Variants in CDC20B observed in about 807,000 individuals in gnomAD.
CDC20B encodes the protein cell division cycle protein 20 homolog B.
Under a neutral mutation model 64.1 loss-of-function variants are expected in CDC20B, and 58 were observed. The ratio of observed to expected loss-of-function variants is 0.90; its 90% CI spans 0.73 to 1.13. CDC20B has a LOEUF of 1.13. CDC20B is among the 50% of genes most tolerant of loss of function. The pLI is 0.00. For missense variants in CDC20B, 597 were observed against 633.0 expected, an observed-to-expected ratio of 0.94 and a Z score of 0.61; for synonymous variants, 243 against 230.6, an observed-to-expected ratio of 1.05 and a Z score of -0.49.
intron 5 of CDC20B, among the ~76,000 whole-genome samples, chr5:55,137,836 G>T (rs191958337): frequency 5.8e-4 from 89 of 152,278 alleles, no homozygotes; most frequent in African/African-American, 2.0e-3. Context: ...GTGGATAAAG[G>T]ATTAATAACT....
chr5:55,127,320 C>A lies in CDC20B; in HGVS notation c.926G>T (p.Arg309Ile). Residue 309 changes from arginine to isoleucine, a missense_variant, in exon 8 of 12, where the codon AGA becomes ATA. By Grantham distance (97) the Arg-to-Ile change is moderately conservative. Coordinates refer to ENST00000381375, the MANE Select transcript of CDC20B (RefSeq NM_001170402.1). ...LWDVVTKKRL[R>I]NMLGHLSVVG... Reference sequence around the variant, plus strand: ...TACTGACAAATGACCAAGCATATTTCTCAGCCGCTTTTTAGTTACCACATC... The same window carrying A: ...TACTGACAAATGACCAAGCATATTTATCAGCCGCTTTTTAGTTACCACATC... 1 of 1,614,126 alleles carries A rather than the reference C, an allele frequency of 6.2e-7. No homozygotes were observed. The highest frequency in any genetic ancestry group is 1.3e-5 in the African/African-American group (1 of 75,054).
chr5:55,160,236 G>T (rs370409177), intron 2 of CDC20B: 3 of 1,614,020 alleles, frequency 1.9e-6, no homozygotes, highest in African/African-American at 1.3e-5. Flanking sequence ...TCCGGGCCCA[G>T]AGCAAAGGTA....
chr5:55,135,063 T>C (rs1192929472), intron 5 of CDC20B, among the ~76,000 whole-genome samples: 1 of 152,220 alleles, frequency 6.6e-6, no homozygotes, highest in East Asian at 1.9e-4. Context: ...GATGTGTCAG[T>C]GTAGGTTCAT....
At chr5:55,155,962 C>G (rs895576109) in intron 2 of CDC20B, among the ~76,000 whole-genome samples, 5 of 152,174 alleles carry the variant, frequency 3.3e-5, no homozygotes, top group Non-Finnish European at 7.3e-5. Flanking sequence ...CGAATGAAAC[C>G]CCTTGTATTA....
intron 2 of CDC20B, among the ~76,000 whole-genome samples, chr5:55,150,442 G>C (rs532651524): frequency 4.3e-4 from 65 of 152,332 alleles, no homozygotes; most frequent in African/African-American, 1.5e-3. Flanking sequence ...CAGCCCCCAG[G>C]GGGCGAGGCC....
chr5:55,132,638 C>T (rs1319831862), intron 6 of CDC20B, among the ~76,000 whole-genome samples: 1 of 152,128 alleles, frequency 6.6e-6, no homozygotes, highest in Non-Finnish European at 1.5e-5. Flanking sequence ...CAGCTCTTTC[C>T]TACTAAGTGC....
intron 9 of CDC20B, 42 bp downstream of exon 9, chr5:55,124,761 C>A: frequency 6.5e-7 from 1 of 1,534,286 alleles, no homozygotes; most frequent in South Asian, 1.1e-5. Context: ...ACCCAGTGGC[C>A]TCTGAGTAAC....
At chr5:55,158,025 G>A (rs1743863050) in intron 2 of CDC20B, among the ~76,000 whole-genome samples, 2 of 152,042 alleles carry the variant, frequency 1.3e-5, no homozygotes, top group African/African-American at 2.4e-5. Flanking sequence ...CATCCACTAT[G>A]GAAAACAAAG....
At chr5:55,146,979 T>C in intron 2 of CDC20B, 123 bp from the exon 3 acceptor site, 17 of 407,572 alleles carry the variant, frequency 4.2e-5, no homozygotes, top group Non-Finnish European at 5.1e-5. Flanking sequence ...TATAATGAGA[T>C]TTTTTTAATT....
intron 2 of CDC20B, among the ~76,000 whole-genome samples, chr5:55,150,539 A>C (rs1355127207): frequency 6.6e-6 from 1 of 152,210 alleles, no homozygotes; most frequent in Non-Finnish European, 1.5e-5. Flanking sequence ...CAAGAGGCTG[A>C]GGCCACAGCT....
intron 6 of CDC20B, among the ~76,000 whole-genome samples, chr5:55,130,078 A>C (rs1469535262): frequency 1.3e-5 from 2 of 152,240 alleles, no homozygotes. Context: ...GAAATGAATG[A>C]AAATTTATAT....
intron 5 of CDC20B, chr5:55,136,342 T>G (rs1275046985): frequency 6.6e-6 from 1 of 152,008 alleles, no homozygotes; most frequent in Non-Finnish European, 1.5e-5. Context: ...GGCAGATCAT[T>G]TGTGGCCAGA....
chr5:55,115,341 C>A (rs1432548534), intron 11 of CDC20B, among the ~76,000 whole-genome samples: 2 of 152,116 alleles, frequency 1.3e-5, no homozygotes, highest in Non-Finnish European at 2.9e-5. Flanking sequence ...TAAACATTTC[C>A]TTATTTCAGG....
intron 8 of CDC20B, among the ~76,000 whole-genome samples, 172 bp downstream of exon 8, chr5:55,127,085 G>A (rs1332334428): frequency 6.6e-6 from 1 of 152,126 alleles, no homozygotes; most frequent in African/African-American, 2.4e-5. Flanking sequence ...ACACTTACAT[G>A]ACCAGCAGAT....
chr5:55,156,350 C>G (rs1305057756), intron 2 of CDC20B, among the ~76,000 whole-genome samples: 1 of 152,130 alleles, frequency 6.6e-6, no homozygotes, highest in Non-Finnish European at 1.5e-5. Flanking sequence ...AGCCATCTCA[C>G]CTACAATGTT....
In CDC20B at chr5:55,124,989, C is replaced by G. The variant is rs905956777; in HGVS notation, c.1029G>C (p.Arg343=). The G allele has an allele frequency of 1.2e-6, 2 of 1,613,738 alleles. No homozygotes were observed. Among genetic ancestry groups the G allele is most frequent in the African/African-American group, 1.3e-5 (1 of 74,924 alleles). ...RLGRVYHHDV[R]VAQHHVGTLR... Reference sequence around the variant, plus strand: ...GTGTTCCAACATGATGCTGGGCTACCCGAACATCGTGATGATAAACACGCC... The same window carrying G: ...GTGTTCCAACATGATGCTGGGCTACGCGAACATCGTGATGATAAACACGCC... Residue 343 remains arginine (R), a synonymous_variant, in exon 9 of 12, where the codon CGG becomes CGC. Transcript: ENST00000381375.
intron 6 of CDC20B, among the ~76,000 whole-genome samples, chr5:55,129,802 C>T (rs1354148924): frequency 6.6e-6 from 1 of 152,192 alleles, no homozygotes; most frequent in Non-Finnish European, 1.5e-5. Context: ...ATTTGAAACA[C>T]CACCCACAAA....
chr5:55,135,012 G>A (rs336100), intron 5 of CDC20B, among the ~76,000 whole-genome samples: 29,502 of 152,070 alleles, frequency 0.19, 2,962 homozygotes, highest in South Asian at 0.3. Flanking sequence ...CATAACATCA[G>A]GAATGAACTC....
chr5:55,133,655 T>G, intron 5 of CDC20B, 127 bp from the exon 6 acceptor site: 1 of 461,944 alleles, frequency 2.2e-6, no homozygotes, highest in East Asian at 3.1e-5. Flanking sequence ...GTCATCATGA[T>G]AAAACTACAG....
Sources: allele counts gnomAD v4.1 joint callset (sites outside exome capture counted in the v4.1 genomes callset), GRCh38; gene constraint gnomAD v4.1.1; transcripts MANE v1.5; gene names NCBI Gene and HGNC (gene_info 2026-07-23, HGNC 2026-07-21).